The following ANKRD44 variants were observed in gnomAD, a reference collection of about 807,000 sequenced individuals.
ANKRD44 encodes the protein ankyrin repeat domain 44.
ANKRD44 carries 35 observed loss-of-function variants against 116.0 expected under a neutral mutation model. The ratio of observed to expected loss-of-function variants is 0.30; its 90% confidence interval spans 0.23 to 0.40. The LOEUF (loss-of-function observed/expected upper bound fraction) is 0.40. ANKRD44 is among the 10% of genes least tolerant of loss of function. The probability of loss-of-function intolerance (pLI) is 1.00; values close to 1 mark genes in which losing one functional copy is unlikely to be tolerated. For synonymous variants in ANKRD44, 435 were observed against 461.8 expected, an observed-to-expected ratio of 0.94 and a Z score of 0.74; for missense variants, 1,014 against 1,242.6, an observed-to-expected ratio of 0.82 and a Z score of 2.77.
At chr2:196,999,111 C>T in intron 23 of ANKRD44, 59 bp from the exon 24 acceptor site, 1 of 1,585,776 alleles carries the variant, frequency 6.3e-7, no homozygotes, top group Non-Finnish European at 8.6e-7. Context: ...TCGCTAGTTA[C>T]TGCCCAAGAA....
rs1282933391 is a variant in ANKRD44 at position 197,212,924 on chromosome 2, C to T, written c.28-25818G>A. On this transcript the variant is annotated intron_variant, in intron 1 of 27. Coordinates refer to ENST00000282272, the MANE Select transcript of ANKRD44 (RefSeq NM_001195144.2). This position sits in a 1 kb window ranked among gnomAD's most constrained non-coding sequence, Gnocchi z 4.8. ...TTCACAGTGTGAACATCTCACAGAG[C>T]TGACTGGGATTCTAGTGTTTAAAGA... Among the ~76,000 whole-genome samples, 1 of 152,178 alleles carries T rather than the reference C, an allele frequency of 6.6e-6. No individual in the cohort carries two copies. The highest frequency in any genetic ancestry group is 1.9e-4 in the East Asian group (1 of 5,200).
intron 1 of ANKRD44, among the ~76,000 whole-genome samples, chr2:197,244,828 T>C (rs1301357314): frequency 1.3e-5 from 2 of 152,156 alleles, no homozygotes; most frequent in African/African-American, 2.4e-5. Flanking sequence ...ATTCCATACA[T>C]AGTAAAAGCA....
At chr2:196,998,494 C>T (rs1057250807) in intron 24 of ANKRD44, 75 bp from the exon 25 acceptor site, 2 of 986,614 alleles carry the variant, frequency 2.0e-6, no homozygotes, top group Non-Finnish European at 1.6e-6. Context: ...TTACTACAAA[C>T]ACAATAACAT....
At chr2:197,297,095 T>C (rs1338037202) in intron 1 of ANKRD44, among the ~76,000 whole-genome samples, 1 of 152,218 alleles carries the variant, frequency 6.6e-6, no homozygotes, top group Non-Finnish European at 1.5e-5. Context: ...AAATAAAAAA[T>C]GACTGCAAAC....
At chr2:197,209,374 C>T (rs1439360684) in intron 1 of ANKRD44, among the ~76,000 whole-genome samples, 1 of 152,240 alleles carries the variant, frequency 6.6e-6, no homozygotes, top group Non-Finnish European at 1.5e-5. Context: ...AATTCCCCAA[C>T]TGCTCTCAAG....
intron 1 of ANKRD44, among the ~76,000 whole-genome samples, chr2:197,226,761 C>T (rs1005598476): frequency 3.0e-4 from 46 of 152,184 alleles, no homozygotes; most frequent in South Asian, 1.4e-3. Context: ...AGCTGAGGCC[C>T]AGAGGTATTA....
chr2:197,057,930 T>C (rs1013898745), intron 16 of ANKRD44, among the ~76,000 whole-genome samples: 1 of 152,216 alleles, frequency 6.6e-6, no homozygotes, highest in East Asian at 1.9e-4. Flanking sequence ...GTCTGAATAA[T>C]GGAAATATGT....
At chr2:197,156,947 AG>A (rs1402300265) in intron 2 of ANKRD44, among the ~76,000 whole-genome samples, 1 of 152,216 alleles carries the variant, frequency 6.6e-6, no homozygotes, top group Non-Finnish European at 1.5e-5. Context: ...GGCCTAAGGG[AG>A]AGACTGGGAG....
chr2:197,274,154 G>A (rs184514157), intron 1 of ANKRD44, among the ~76,000 whole-genome samples: 7 of 151,542 alleles, frequency 4.6e-5, no homozygotes, highest in Non-Finnish European at 4.4e-5. Context: ...ACATCACTAA[G>A]GGGACCTGGC....
At chr2:197,166,411 A>T (rs1160216198) in intron 2 of ANKRD44, among the ~76,000 whole-genome samples, 9 of 152,214 alleles carry the variant, frequency 5.9e-5, no homozygotes. Context: ...ACAAAGATGA[A>T]TGAGTAAGGA....
chr2:197,161,172 T>C (rs1217877889), intron 2 of ANKRD44, among the ~76,000 whole-genome samples: 1 of 152,122 alleles, frequency 6.6e-6, no homozygotes, highest in African/African-American at 2.4e-5. Flanking sequence ...AGCCCCTTCA[T>C]TACAGATTGA....
At chr2:197,032,125 G>C (rs1328228776) in intron 16 of ANKRD44, among the ~76,000 whole-genome samples, 1 of 152,076 alleles carries the variant, frequency 6.6e-6, no homozygotes, top group Non-Finnish European at 1.5e-5. Context: ...TTACATTTTT[G>C]AGAGTGTTCC....
rs189368014 is a variant in ANKRD44 at position 197,096,332 on chromosome 2, T to C, written c.1100+3484A>G. On this transcript the variant is annotated intron_variant, in intron 10 of 27. Transcript: ENST00000282272. ...AATGAATGTCAGAGCCAGTTATTCATAAACTATAATACCCCTAATTCTGCT... is the reference window on the plus strand; with the variant it reads ...AATGAATGTCAGAGCCAGTTATTCACAAACTATAATACCCCTAATTCTGCT... Among the ~76,000 whole-genome samples, 595 of 152,290 alleles carry C rather than the reference T, an allele frequency of 3.9e-3. 16 individuals are homozygous for C. Among genetic ancestry groups the C allele is most frequent in the Admixed American group, 0.034 (523 of 15,276 alleles).
chr2:197,288,218 T>A (rs934644321), intron 1 of ANKRD44, among the ~76,000 whole-genome samples: 2 of 152,108 alleles, frequency 1.3e-5, no homozygotes, highest in Non-Finnish European at 2.9e-5. Flanking sequence ...GTTACTTACA[T>A]CCAGCTATTC....
intron 2 of ANKRD44, among the ~76,000 whole-genome samples, chr2:197,159,687 T>C (rs1377485964): frequency 1.3e-5 from 2 of 152,256 alleles, no homozygotes; most frequent in Non-Finnish European, 2.9e-5. Context: ...ATTTGTCTAA[T>C]GATTCATAAA....
intron 21 of ANKRD44, among the ~76,000 whole-genome samples, chr2:196,973,830 A>T (rs542314095): frequency 1.3e-5 from 2 of 152,340 alleles, no homozygotes; most frequent in East Asian, 3.9e-4. Context: ...GCCATAATTT[A>T]TTAAACTAGT....
intron 2 of ANKRD44, among the ~76,000 whole-genome samples, chr2:197,169,720 G>A (rs1287557741): frequency 1.3e-5 from 2 of 152,186 alleles, no homozygotes; most frequent in East Asian, 1.9e-4. Context: ...CAGAAGCTCT[G>A]AGGGTAAAGC....
intron 16 of ANKRD44, among the ~76,000 whole-genome samples, chr2:197,076,497 T>A (rs2077668362): frequency 6.6e-6 from 1 of 152,166 alleles, no homozygotes; most frequent in African/African-American, 2.4e-5. Flanking sequence ...AATACTTGTT[T>A]TGGGGTTTTT....
In ANKRD44 at chr2:197,014,656, G is replaced by A. The variant is rs142125568; in HGVS notation, c.1723-944C>T. ...TACAAAAATTAGCAGGCATGGTGGC[G>A]GTGCCTGTAATCCCAGCTACTCGGG... is the stretch of plus-strand genomic sequence containing the variant. On this transcript the variant is annotated intron_variant, in intron 17 of 27. Coordinates refer to ENST00000282272, the MANE Select transcript of ANKRD44 (RefSeq NM_001195144.2). Among the ~76,000 whole-genome samples, 1,145 of 151,794 alleles carry A rather than the reference G, an allele frequency of 7.5e-3. 14 individuals carry two copies. The highest frequency in any genetic ancestry group is 0.026 in the African/African-American group (1,072 of 41,424).
Sources: allele counts gnomAD v4.1 joint callset (sites outside exome capture counted in the v4.1 genomes callset), GRCh38; gene constraint gnomAD v4.1.1; non-coding constraint Gnocchi (gnomAD v3.1); transcripts MANE v1.5; gene names NCBI Gene and HGNC (gene_info 2026-07-23, HGNC 2026-07-21).